Variants in LRP5 observed in about 807,000 individuals in gnomAD.
LRP5 encodes LDL receptor related protein 5, also known as low-density lipoprotein receptor-related protein 5.
In LRP5, 62 loss-of-function variants were observed where a neutral mutation model predicts 154.1. The observed-to-expected ratio is 0.40, with a 90% CI of 0.33 to 0.50. The LOEUF (loss-of-function observed/expected upper bound fraction) is 0.50, where lower values mean the gene tolerates loss of function less well. LRP5 is among the 20% of genes least tolerant of loss of function. LRP5 has a pLI of 0.55. For missense variants in LRP5, 1,915 were observed against 2,336.7 expected (o/e 0.82, Z 3.72); for synonymous variants, 966 against 1,011.5 (o/e 0.96, Z 0.85).
intron 7 of LRP5, among the ~76,000 whole-genome samples, chr11:68,403,150 CAGG>C (rs1342676862): frequency 6.6e-6 from 1 of 152,162 alleles, no homozygotes; most frequent in African/African-American, 2.4e-5. Flanking sequence ...GAGGCTGAGG[CAGG>C]AGAATCGCTT....
In LRP5 at chr11:68,423,214, C is replaced by G. The variant is rs1371568430; in HGVS notation, c.3028-275C>G. Among the ~76,000 whole-genome samples, 2 of 152,174 alleles carry G rather than the reference C, an allele frequency of 1.3e-5. No homozygotes were observed. Among genetic ancestry groups the G allele is most frequent in the Non-Finnish European group, 2.9e-5 (2 of 68,034 alleles). ...AAGAGCTCTTCCAGAGGCTGTTGTC[C>G]TAATCGCTCTGGCATACTCAGGCGG... On this transcript the variant is annotated intron_variant, in intron 13 of 22. Coordinates refer to ENST00000294304, the MANE Select transcript of LRP5 (RefSeq NM_002335.4). The surrounding 1 kb of genome is among the most constrained non-coding windows in gnomAD (Gnocchi z 4.7).
At chr11:68,445,710 G>A in intron 21 of LRP5, 5 of 1,284,290 alleles carry the variant, frequency 3.9e-6, no homozygotes, top group Non-Finnish European at 5.1e-6. Flanking sequence ...TGGGTGTGTG[G>A]GCCCAGGGCC....
rs2015566 is a variant in LRP5 at position 68,439,572 on chromosome 11, C to T, written c.4349-205C>T. On this transcript the variant is annotated intron_variant, in intron 20 of 22. Transcript: ENST00000294304. ...CTTGGAGGAGGTACCATGTGTCTCC[C>T]GTTTCACAGATGAGCCCCGGGGAGC... Among the ~76,000 whole-genome samples the T allele has an allele frequency of 1.6e-3, 240 of 152,300 alleles. 1 individual carries two copies. Among genetic ancestry groups the T allele is most frequent in the Middle Eastern group, 0.01 (3 of 294 alleles).
At chr11:68,328,916 G>A (rs1191084637) in intron 1 of LRP5, among the ~76,000 whole-genome samples, 2 of 152,258 alleles carry the variant, frequency 1.3e-5, no homozygotes, top group East Asian at 3.8e-4. Flanking sequence ...GTCCAGTGGG[G>A]CACAGACCTT....
At chr11:68,351,026 G>A (rs1247089403) in intron 2 of LRP5, among the ~76,000 whole-genome samples, 3 of 152,202 alleles carry the variant, frequency 2.0e-5, no homozygotes, top group African/African-American at 7.2e-5. Context: ...GTGTGTGCAC[G>A]TGTATGTGCC....
rs139679746 is a variant in LRP5, at chr11:68,320,310, T to G, written c.91+7505T>G. On this transcript the variant is annotated intron_variant, in intron 1 of 22. Coordinates refer to ENST00000294304, the MANE Select transcript of LRP5 (RefSeq NM_002335.4). ...AGATTTTGGTTTTTGGTGTTTTCTT[T>G]GGTCCAGTTTGGTTAAAAATTATAA... 2.6e-5 allele frequency among the ~76,000 whole-genome samples: 4 copies of G among 152,392 alleles called. No homozygotes were observed. In the East Asian group the frequency reaches 7.7e-4, roughly 29 times the overall value.
rs945253095 is a variant in LRP5 at position 68,434,456 on chromosome 11, T to C, written c.4000+618T>C. ...GTGCCCTGGTGTAATCTCGGCTCAC[T>C]GCAACCTCTGCCTCCAGGGTTCAAT... On this transcript the variant is annotated intron_variant, in intron 18 of 22. Coordinates refer to ENST00000294304, the MANE Select transcript of LRP5 (RefSeq NM_002335.4). Among the ~76,000 whole-genome samples, 17 of 152,222 alleles carry C rather than the reference T, an allele frequency of 1.1e-4. No homozygotes were observed. In the Middle Eastern group the frequency reaches 0.01, roughly 91 times the overall value.
chr11:68,346,476 G>T (rs2098613039), intron 1 of LRP5, among the ~76,000 whole-genome samples: 1 of 152,252 alleles, frequency 6.6e-6, no homozygotes, highest in Non-Finnish European at 1.5e-5. Flanking sequence ...CTGGCCCTTT[G>T]TGTTCCCAGC....
chr11:68,352,401 A>G lies in LRP5; in HGVS notation c.488+4158A>G, dbSNP rs186249326. ...CAAGAACAGTTTGTGAGTTCAACAA[A>G]TGTTAGCTGTCGTTATAATAAAAAT... On this transcript the variant is annotated intron_variant, in intron 2 of 22. Transcript: ENST00000294304. 1.9e-4 allele frequency among the ~76,000 whole-genome samples: 29 copies of G among 152,340 alleles called. 1 individual carries two copies. The highest frequency in any genetic ancestry group is 6.5e-4 in the African/African-American group (27 of 41,586).
chr11:68,320,156 C>T (rs1371663754), intron 1 of LRP5, among the ~76,000 whole-genome samples: 1 of 152,156 alleles, frequency 6.6e-6, no homozygotes, highest in Non-Finnish European at 1.5e-5. Flanking sequence ...CAGAGCGAGA[C>T]CCTGTCTCAA....
chr11:68,421,727 G>A (rs2098665817), intron 13 of LRP5, among the ~76,000 whole-genome samples: 1 of 142,070 alleles, frequency 7.0e-6, no homozygotes, highest in South Asian at 2.2e-4. Context: ...TGTGTGTGGT[G>A]TGTGTGTGGT....
chr11:68,388,748 C>T (rs2098644409), intron 6 of LRP5, among the ~76,000 whole-genome samples: 1 of 152,178 alleles, frequency 6.6e-6, no homozygotes, highest in Admixed American at 6.5e-5. Flanking sequence ...CATTTCTGTC[C>T]ACTGACCTTT....
chr11:68,436,922 G>A lies in LRP5; in HGVS notation c.4034G>A (p.Ser1345Asn), dbSNP rs1394748409. Residue 1345 changes from serine (S) to asparagine (N), a missense_variant, in exon 19 of 23, where the codon AGC becomes AAC. This residue lies in a region of LRP5 where 1,094 missense variants were observed against 1,210.1 expected (regional missense o/e 0.90). Transcript: ENST00000294304. The part of the protein sequence containing the change: ...ICLPNQFRCA[S>N]GQCVLIKQQC... Reference sequence around the variant, plus strand: ...CTGCCCAACCAGTTCCGGTGTGCGAGCGGCCAGTGTGTCCTCATCAAACAG... The same window carrying A: ...CTGCCCAACCAGTTCCGGTGTGCGAACGGCCAGTGTGTCCTCATCAAACAG... 1 of 1,613,776 alleles carries A rather than the reference G, an allele frequency of 6.2e-7. No individual in the cohort carries two copies.
chr11:68,360,610 C>T (rs1452310270), intron 3 of LRP5, among the ~76,000 whole-genome samples: 2 of 152,228 alleles, frequency 1.3e-5, no homozygotes, highest in Non-Finnish European at 2.9e-5. Context: ...GGGGCAAGGG[C>T]CGAGGCTGAC....
rs200121061 is a variant in LRP5, at chr11:68,438,562, G to A, written c.4228G>A (p.Val1410Met). The A allele has an allele frequency of 2.2e-5, 35 of 1,614,150 alleles. No individual in the cohort carries two copies. The highest frequency in any genetic ancestry group is 9.9e-5 in the South Asian group (9 of 91,090). Residue 1410 changes from valine to methionine, a missense_variant, in exon 20 of 23, where the codon GTG (valine) becomes ATG (methionine). This residue lies in a region of LRP5 where 1,094 missense variants were observed against 1,210.1 expected (regional missense o/e 0.90). Coordinates refer to ENST00000294304, the MANE Select transcript of LRP5 (RefSeq NM_002335.4). ...MGGVYFVCQRVVCQRYAGANG... is the reference protein window; with the variant it reads ...MGGVYFVCQRMVCQRYAGANG... ...TGGTGTCTATTTTGTGTGCCAGCGC[G>A]TGGTGTGCCAGCGCTATGCGGGGGC... is the stretch of plus-strand genomic sequence containing the variant.
At chr11:68,446,396 CTGGCGAG>C in intron 21 of LRP5, 33 bp from the exon 22 acceptor site, 1 of 1,362,222 alleles carries the variant, frequency 7.3e-7, no homozygotes, top group Non-Finnish European at 1.1e-6. Context: ...AATGCCCAGG[CTGGCGAG>C]GCTCTAAGTC....
chr11:68,448,461 TTTTATCAATGAGAAAC>T (rs1271193622), intron 22 of LRP5, among the ~76,000 whole-genome samples: 1 of 152,228 alleles, frequency 6.6e-6, no homozygotes, highest in Non-Finnish European at 1.5e-5. Context: ...TCATCCCCAC[TTTTATCAATGAGAAAC>T]TAAAGCTCGA....
chr11:68,427,095 G>A (rs987003266), intron 16 of LRP5, among the ~76,000 whole-genome samples: 4 of 152,176 alleles, frequency 2.6e-5, no homozygotes, highest in Admixed American at 2.6e-4. Context: ...TTTAGATTAG[G>A]TTAGCCTCCC....
At chr11:68,299,305 A>AGAG in the LRP5 span, among the ~76,000 whole-genome samples, 1 of 152,066 alleles carries the variant, frequency 6.6e-6, no homozygotes, top group East Asian at 1.9e-4. Context: ...GGCTGCTGGG[A>AGAG]GAGGAGTAGC....
Sources: gnomAD v4.1 joint callset for allele counts (sites outside exome capture counted in the v4.1 genomes callset) on GRCh38, gnomAD v4.1.1 for gene constraint, gnomAD v4.1.1 regional missense constraint, Gnocchi (gnomAD v3.1) non-coding constraint, MANE v1.5 for transcripts, NCBI Gene and HGNC (gene_info 2026-07-23, HGNC 2026-07-21) for gene names.